TESK2: variants seen among roughly 807,000 people sequenced by gnomAD.
TESK2 encodes testis associated actin remodelling kinase 2.
In TESK2, 39 loss-of-function variants were observed where a neutral mutation model predicts 57.1. The ratio of observed to expected loss-of-function variants is 0.68; its 90% confidence interval spans 0.53 to 0.89. The LOEUF (loss-of-function observed/expected upper bound fraction) is 0.89. Among genes scored for constraint, TESK2 ranks in the 40% least tolerant of loss-of-function variants. The pLI, the probability that TESK2 is intolerant of heterozygous loss-of-function variation, is 0.00. For missense variants in TESK2, 646 were observed against 732.1 expected, an observed-to-expected ratio of 0.88 and a Z score of 1.36; for synonymous variants, 249 against 267.9, an observed-to-expected ratio of 0.93 and a Z score of 0.69.
At chr1:45,376,228 T>C (rs1295865966) in intron 4 of TESK2, among the ~76,000 whole-genome samples, 2 of 145,358 alleles carry the variant, frequency 1.4e-5, no homozygotes, top group African/African-American at 2.5e-5. Flanking sequence ...TTTTTTTTTT[T>C]TTTTTTTGAG....
At chr1:45,421,354 A>G (rs978430443) in intron 3 of TESK2, among the ~76,000 whole-genome samples, 1 of 152,212 alleles carries the variant, frequency 6.6e-6, no homozygotes, top group Non-Finnish European at 1.5e-5. Flanking sequence ...ATTTATTGCC[A>G]CTCATTGATT....
intron 1 of TESK2, among the ~76,000 whole-genome samples, chr1:45,477,058 C>CAAAAAAA (rs367548030): frequency 0.54 from 66,573 of 123,414 alleles, 18,824 homozygotes; most frequent in East Asian, 0.73. Flanking sequence ...ACGTCTCTAC[C>CAAAAAAA]AAAAAAAAAA....
intron 5 of TESK2, among the ~76,000 whole-genome samples, chr1:45,349,675 C>T (rs781337612): frequency 4.6e-5 from 7 of 152,256 alleles, no homozygotes; most frequent in Non-Finnish European, 1.0e-4. Context: ...CATTTCCTCA[C>T]ACCTATTATA....
rs76007523 is a variant in TESK2, at chr1:45,434,325, C to T, written c.223-12479G>A. 5.6e-4 allele frequency among the ~76,000 whole-genome samples: 85 copies of T among 152,048 alleles called. No individual in the cohort carries two copies. The East Asian group carries it at 0.013, about 23-fold the overall frequency. ...TTGTTTGTTTGTCTAAGACAGGGTC[C>T]TGCTCTATTGCCAGGCTGGGGTGCA... On this transcript the variant is annotated intron_variant, in intron 2 of 10. Transcript: ENST00000372086.
At chr1:45,391,468 T>C (rs1278958720) in intron 3 of TESK2, among the ~76,000 whole-genome samples, 1 of 152,156 alleles carries the variant, frequency 6.6e-6, no homozygotes, top group Non-Finnish European at 1.5e-5. Flanking sequence ...TCCTCCTGCA[T>C]TGGCCCCATA....
chr1:45,379,466 C>T (rs1224030022), intron 4 of TESK2, among the ~76,000 whole-genome samples: 1 of 152,118 alleles, frequency 6.6e-6, no homozygotes, highest in Non-Finnish European at 1.5e-5. Flanking sequence ...TGGACATGGC[C>T]TTGGCTTGCT....
chr1:45,397,375 C>T (rs899059991), intron 3 of TESK2, among the ~76,000 whole-genome samples: 1 of 152,136 alleles, frequency 6.6e-6, no homozygotes, highest in African/African-American at 2.4e-5. Flanking sequence ...TGCTATATTA[C>T]CTCTCTGTAT....
chr1:45,435,776 C>T (rs1369264916), intron 2 of TESK2, among the ~76,000 whole-genome samples: 1 of 151,000 alleles, frequency 6.6e-6, no homozygotes, highest in Non-Finnish European at 1.5e-5. Flanking sequence ...ACTCTTTTGC[C>T]CAGGCTGGAG....
At chr1:45,464,423 A>T (rs768941432) in intron 1 of TESK2, among the ~76,000 whole-genome samples, 11 of 72,368 alleles carry the variant, frequency 1.5e-4, no homozygotes, top group Non-Finnish European at 2.6e-4. Flanking sequence ...GACACTGGAT[A>T]AAAAAAAAAA....
intron 4 of TESK2, among the ~76,000 whole-genome samples, chr1:45,375,314 A>G (rs930359122): frequency 3.3e-5 from 5 of 150,938 alleles, no homozygotes; most frequent in African/African-American, 4.9e-5. Flanking sequence ...CACATCACCC[A>G]CCTTGGAGTT....
At chr1:45,351,342 T>C (rs1448478476) in intron 5 of TESK2, among the ~76,000 whole-genome samples, 1 of 152,260 alleles carries the variant, frequency 6.6e-6, no homozygotes, top group East Asian at 1.9e-4. Context: ...GCCTTGCCAC[T>C]GCAAAAGTCT....
chr1:45,443,642 T>C (rs1651535610), intron 2 of TESK2, among the ~76,000 whole-genome samples: 1 of 138,698 alleles, frequency 7.2e-6, no homozygotes, highest in Non-Finnish European at 1.5e-5. Context: ...TGTAAAGTAA[T>C]CCATCAACCA....
chr1:45,450,081 C>A (rs1216719153), intron 2 of TESK2, among the ~76,000 whole-genome samples: 1 of 152,134 alleles, frequency 6.6e-6, no homozygotes, highest in East Asian at 1.9e-4. Context: ...GTTAACATAA[C>A]TAGGTAGTCA....
chr1:45,447,217 A>G (rs1007132384), intron 2 of TESK2, among the ~76,000 whole-genome samples: 2 of 152,236 alleles, frequency 1.3e-5, no homozygotes, highest in Admixed American at 6.5e-5. Context: ...GTCTATCTCA[A>G]AAACAACAAA....
intron 1 of TESK2, among the ~76,000 whole-genome samples, chr1:45,463,458 A>G (rs1652416154): frequency 6.6e-6 from 1 of 152,158 alleles, no homozygotes; most frequent in Admixed American, 6.5e-5. Context: ...AGCACCATTC[A>G]TTGAAGAGAT....
At chr1:45,371,090 A>C (rs997953496) in intron 4 of TESK2, among the ~76,000 whole-genome samples, 6 of 152,166 alleles carry the variant, frequency 3.9e-5, no homozygotes, top group Non-Finnish European at 8.8e-5. Context: ...AAAAAAAAAA[A>C]ACACAGAAAA....
intron 4 of TESK2, among the ~76,000 whole-genome samples, chr1:45,381,863 T>C (rs1323064329): frequency 1.4e-5 from 2 of 143,956 alleles, no homozygotes; most frequent in African/African-American, 5.2e-5. Flanking sequence ...TCCTATTCTT[T>C]TTTTTTTTTT....
chr1:45,392,345 T>G (rs1160177345), intron 3 of TESK2, among the ~76,000 whole-genome samples: 2 of 152,174 alleles, frequency 1.3e-5, no homozygotes, highest in African/African-American at 4.8e-5. Context: ...CCTCAGGTGA[T>G]CTGCCTGCCT....
intron 1 of TESK2, among the ~76,000 whole-genome samples, chr1:45,473,015 G>A (rs1652831278): frequency 6.6e-6 from 1 of 151,040 alleles, no homozygotes; most frequent in African/African-American, 2.4e-5. Context: ...TTAGCCAGGT[G>A]TGGTGGCGGG....
Sources: gnomAD v4.1 joint callset for allele counts (sites outside exome capture counted in the v4.1 genomes callset) on GRCh38, gnomAD v4.1.1 for gene constraint, MANE v1.5 for transcripts, NCBI Gene and HGNC (gene_info 2026-07-23, HGNC 2026-07-21) for gene names.